Variants in EHBP1L1 observed in about 807,000 individuals in gnomAD.
EHBP1L1 encodes EH domain binding protein 1 like 1.
Under a neutral mutation model 151.1 loss-of-function variants are expected in EHBP1L1, and 122 were observed. The observed-to-expected ratio is 0.81, with a 90% CI of 0.70 to 0.94. EHBP1L1 has a LOEUF of 0.94. Among genes scored for constraint, EHBP1L1 ranks in the 40% least tolerant of loss-of-function variants. The probability of loss-of-function intolerance (pLI) is 0.00; values close to 1 mark genes in which losing one functional copy is unlikely to be tolerated. For synonymous variants in EHBP1L1, 878 were observed against 810.1 expected (o/e 1.08, Z -1.42); for missense variants, 1,941 against 1,959.8 (o/e 0.99, Z 0.18).
Position 65,581,234 on chromosome 11 carries a change from G to T in EHBP1L1, c.727G>T (p.Asp243Tyr), listed in dbSNP as rs376705641. The change falls in exon 8 of 19, where the codon GAT becomes TAT. Residue 243 changes from aspartate to tyrosine, a missense_variant. By Grantham distance (160) the Asp-to-Tyr change is radical. Transcript: ENST00000309295. Reference sequence around the variant, plus strand: ...AGTTGCCAGCCCTTCTAATGCTGAGGATACCAGCCCAGCCCCTGTGAGTGC... The same window carrying T: ...AGTTGCCAGCCCTTCTAATGCTGAGTATACCAGCCCAGCCCCTGTGAGTGC... Reference protein sequence around the residue: ...QAVASPSNAEDTSPAPVSAPA... With the variant: ...QAVASPSNAEYTSPAPVSAPA... The T allele has an allele frequency of 1.2e-6, 2 of 1,610,606 alleles. No individual in the cohort carries two copies. Among genetic ancestry groups the T allele is most frequent in the African/African-American group, 2.7e-5 (2 of 74,780 alleles).
In EHBP1L1 at chr11:65,582,748, T is replaced by A. The variant is rs746464398; in HGVS notation, c.2076T>A (p.Asp692Glu). The A allele has an allele frequency of 1.9e-6, 3 of 1,613,384 alleles. No individual in the cohort carries two copies. Among genetic ancestry groups the A allele is most frequent in the Non-Finnish European group, 2.5e-6 (3 of 1,179,782 alleles). ...ATTTAGGGCCACTGAAGATAGAAGA[T>A]ACAATACAGTCTGAGATGCTGGGGA... is the stretch of plus-strand genomic sequence containing the variant. ...SGDLGPLKIE[D>E]TIQSEMLGTQ... Residue 692 changes from aspartate to glutamate, a missense_variant, in exon 9 of 19, where the codon GAT becomes GAA. Transcript: ENST00000309295.
At position 65,576,287 on chromosome 11, in the gene EHBP1L1, C is replaced by A. The variant is rs766798007; in HGVS notation, c.-16C>A. ...AGCCCCGGGCCTGAGAAGTGGGCGG[C>A]GGGGTGGCGGGGGCCATGACCTCGG... is the stretch of plus-strand genomic sequence containing the variant. On this transcript the variant is annotated 5_prime_UTR_variant, in exon 1 of 19. Transcript: ENST00000309295. 1 of 1,568,762 alleles carries A rather than the reference C, an allele frequency of 6.4e-7. No homozygotes were observed. The highest frequency in any genetic ancestry group is 1.9e-5 in the Admixed American group (1 of 53,848).
In EHBP1L1 at chr11:65,582,382, G is replaced by A; in HGVS notation, c.1710G>A (p.Leu570=). ...CAGAAGCTGGGGGTTCAGGGGACCTGGAAACAGAGACTGAGGTGGTAGGGT... is the reference window on the plus strand; with the variant it reads ...CAGAAGCTGGGGGTTCAGGGGACCTAGAAACAGAGACTGAGGTGGTAGGGT... ...WEAEAGGSGD[L]ETETEVVGLE... Residue 570 remains leucine, a synonymous_variant, in exon 9 of 19, where the codon CTG becomes CTA. Transcript: ENST00000309295. 6.3e-7 allele frequency: 1 copy of A among 1,599,454 alleles called. No homozygotes were observed. The highest frequency in any genetic ancestry group is 8.5e-7 in the Non-Finnish European group (1 of 1,173,520).
At chr11:65,579,190 C>T in intron 2 of EHBP1L1, 55 bp downstream of exon 2, 1 of 1,527,474 alleles carries the variant, frequency 6.5e-7, no homozygotes, top group Non-Finnish European at 8.9e-7. Flanking sequence ...CGGTGGGAGG[C>T]TGATGGGGGC....
intron 12 of EHBP1L1, among the ~76,000 whole-genome samples, chr11:65,587,124 C>G (rs1210339654): frequency 6.6e-6 from 1 of 152,220 alleles, no homozygotes; most frequent in African/African-American, 2.4e-5. Flanking sequence ...CTTGTAATCC[C>G]AGCACTTTGG....
chr11:65,590,252 C>T (rs1206192357), intron 15 of EHBP1L1, 42 bp downstream of exon 15: 6 of 1,607,130 alleles, frequency 3.7e-6, no homozygotes, highest in Non-Finnish European at 4.2e-6. Flanking sequence ...ACACATGCCA[C>T]TAGGTCTGTC....
At chr11:65,588,188 G>T (rs1376531801) in intron 12 of EHBP1L1, among the ~76,000 whole-genome samples, 1 of 152,046 alleles carries the variant, frequency 6.6e-6, no homozygotes, top group African/African-American at 2.4e-5. Flanking sequence ...CCGGCAGGGG[G>T]GTCTCTGGAG....
In EHBP1L1 at chr11:65,585,655, GAACGGGC is replaced by G. The variant is rs1857933083; in HGVS notation, c.3933+65_3933+71del. On this transcript the variant is annotated intron_variant, in intron 12 of 18. Coordinates refer to ENST00000309295, the MANE Select transcript of EHBP1L1 (RefSeq NM_001099409.3). The surrounding 1 kb of genome is among the most constrained non-coding windows in gnomAD (Gnocchi z 4.0). Reference sequence around the variant, plus strand: ...GCGGGGTCCCGGGAAGATGGGCAGAGAACGGGCGAGCCCCCAAGGGGCCCCAAGGACA... The same window carrying G: ...GCGGGGTCCCGGGAAGATGGGCAGAGGAGCCCCCAAGGGGCCCCAAGGACA... The G allele has an allele frequency of 3.3e-6, 5 of 1,520,220 alleles. No individual in the cohort carries two copies. The highest frequency in any genetic ancestry group is 4.4e-6 in the Non-Finnish European group (5 of 1,137,566). 94.2% of individuals were successfully genotyped at this position (1,520,220 alleles called of 1,614,324 possible).
intron 12 of EHBP1L1, among the ~76,000 whole-genome samples, chr11:65,587,305 G>A (rs1464978266): frequency 2.0e-5 from 3 of 152,028 alleles, no homozygotes; most frequent in Non-Finnish European, 4.4e-5. Flanking sequence ...CCCCGGAGGC[G>A]GAGGTCTCAG....
chr11:65,587,229 C>T (rs977893003), intron 12 of EHBP1L1, among the ~76,000 whole-genome samples: 5 of 152,088 alleles, frequency 3.3e-5, no homozygotes, highest in Admixed American at 2.0e-4. Flanking sequence ...AAAAATTAGC[C>T]GGGCATGGTG....
At position 65,592,072 on chromosome 11, in the gene EHBP1L1, T is replaced by C. The variant is rs950555400; in HGVS notation, c.4454T>C (p.Leu1485Pro). 1 of 1,613,328 alleles carries C rather than the reference T, an allele frequency of 6.2e-7. No individual in the cohort carries two copies. Among genetic ancestry groups the C allele is most frequent in the Non-Finnish European group, 8.5e-7 (1 of 1,179,616 alleles). ...CAGCGCGATGAGCTAGTCCGGGACC[T>C]GGACCACAAGGAGCGGATGTGAGTG... Reference protein sequence around the residue: ...VNQRDELVRDLDHKERIALEE... With the variant: ...VNQRDELVRDPDHKERIALEE... Residue 1485 changes from leucine to proline, a missense_variant, in exon 18 of 19, where the codon CTG becomes CCG. Coordinates refer to ENST00000309295, the MANE Select transcript of EHBP1L1 (RefSeq NM_001099409.3).
chr11:65,580,234 G>T lies in EHBP1L1; in HGVS notation c.466G>T (p.Val156Leu), dbSNP rs1199511801. ...TGAGCTGAGCCTCACTCTTTCCGGG[G>T]TGCTGCTGCGGGAGGGCCGTGCCAC... ...QAELSLTLSG[V>L]LLREGRATDD... Residue 156 changes from valine (V) to leucine (L), a missense_variant, in exon 5 of 19, where the codon GTG (valine) becomes TTG (leucine). Coordinates refer to ENST00000309295, the MANE Select transcript of EHBP1L1 (RefSeq NM_001099409.3). 6 of 1,613,578 alleles carry T rather than the reference G, an allele frequency of 3.7e-6. No homozygotes were observed. Among genetic ancestry groups the T allele is most frequent in the East Asian group, 2.2e-5 (1 of 44,884 alleles).
rs1027058933 is a variant in EHBP1L1 at position 65,581,120 on chromosome 11, C to A, written c.697C>A (p.Gln233Lys). The change falls in exon 7 of 19, where the codon CAG becomes AAG. Residue 233 changes from glutamine (Q) to lysine (K), a missense_variant. Physicochemically the swap from Gln to Lys is moderately conservative, Grantham distance 53. Coordinates refer to ENST00000309295, the MANE Select transcript of EHBP1L1 (RefSeq NM_001099409.3). Reference sequence around the variant, plus strand: ...GGAGGAAGGCCAAGGACGACCCCAGCAGGCAGGTGAGACCCAGGCTGGGGT... The same window carrying A: ...GGAGGAAGGCCAAGGACGACCCCAGAAGGCAGGTGAGACCCAGGCTGGGGT... Reference protein sequence around the residue: ...EEEEGQGRPQQAVASPSNAED... With the variant: ...EEEEGQGRPQKAVASPSNAED... 1 of 1,613,024 alleles carries A rather than the reference C, an allele frequency of 6.2e-7. No homozygotes were observed. The highest frequency in any genetic ancestry group is 1.7e-4 in the Middle Eastern group (1 of 6,058).
In EHBP1L1 at chr11:65,585,526, C is replaced by T. The variant is rs1210989987; in HGVS notation, c.3868C>T (p.Leu1290=). The T allele has an allele frequency of 1.9e-6, 3 of 1,573,576 alleles. No homozygotes were observed. The South Asian group carries it at 3.4e-5, about 18-fold the overall frequency. Residue 1290 remains leucine, a synonymous_variant, in exon 12 of 19, where the codon CTG becomes TTG. Coordinates refer to ENST00000309295, the MANE Select transcript of EHBP1L1 (RefSeq NM_001099409.3). The surrounding 1 kb of genome is among the most constrained non-coding windows in gnomAD (Gnocchi z 4.0). The stretch of plus-strand genomic sequence containing the variant: ...CCTGCTCAAGAAGAGGCGCTCGCGG[C>T]TGCGGAACAGCAGCTCGTTCTCGAT... ...ADLLKKRRSR[L]RNSSSFSMDD...
chr11:65,582,289 C>A lies in EHBP1L1; in HGVS notation c.1617C>A (p.Ser539Arg). Residue 539 changes from serine to arginine, a missense_variant, in exon 9 of 19, where the codon AGC (serine) becomes AGA (arginine). By Grantham distance (110) the Ser-to-Arg change is moderately radical. Coordinates refer to ENST00000309295, the MANE Select transcript of EHBP1L1 (RefSeq NM_001099409.3). The stretch of plus-strand genomic sequence containing the variant: ...CAATAAGCACCAGGCCCCAGGTGAG[C>A]AGCTGGCAGGGGGCCCTGTTATCAA... ...VGAISTRPQV[S>R]SWQGALLSTA... 6.5e-7 allele frequency: 1 copy of A among 1,529,678 alleles called. No individual in the cohort carries two copies. The highest frequency in any genetic ancestry group is 1.3e-5 in the South Asian group (1 of 76,544). The allele number at this position is 1,529,678 out of a possible 1,614,324, so 94.8% of individuals were successfully genotyped here.
At position 65,585,695 on chromosome 11, in the gene EHBP1L1, C is replaced by A; in HGVS notation, c.3933+104C>A. On this transcript the variant is annotated intron_variant, in intron 12 of 18. Coordinates refer to ENST00000309295, the MANE Select transcript of EHBP1L1 (RefSeq NM_001099409.3). The surrounding 1 kb of genome is among the most constrained non-coding windows in gnomAD (Gnocchi z 4.0). ...CAAGGGGCCCCAAGGACAGAGCTGGCGCGAGGGTGACGGTTTCAGAGTGGC... is the reference window on the plus strand; with the variant it reads ...CAAGGGGCCCCAAGGACAGAGCTGGAGCGAGGGTGACGGTTTCAGAGTGGC... 1 of 1,479,664 alleles carries A rather than the reference C, an allele frequency of 6.8e-7. No individual in the cohort carries two copies. Among genetic ancestry groups the A allele is most frequent in the African/African-American group, 1.4e-5 (1 of 70,308 alleles). The allele number at this position is 1,479,664 out of a possible 1,614,324, so 91.7% of individuals were successfully genotyped here.
chr11:65,585,611 T>C lies in EHBP1L1; in HGVS notation c.3933+20T>C. 3.2e-6 allele frequency: 5 copies of C among 1,555,170 alleles called. No homozygotes were observed. Among genetic ancestry groups the C allele is most frequent in the Non-Finnish European group, 4.3e-6 (5 of 1,157,810 alleles). On this transcript the variant is annotated intron_variant, in intron 12 of 18. Coordinates refer to ENST00000309295, the MANE Select transcript of EHBP1L1 (RefSeq NM_001099409.3). The surrounding 1 kb of genome is among the most constrained non-coding windows in gnomAD (Gnocchi z 4.0). ...GCTGCAGTGAGTGTCAAGGTCCTTC[T>C]TTCTTCCCCCGCCGCAGCGCGGGGT...
In EHBP1L1 at chr11:65,583,004, G is replaced by A. The variant is rs1352839140; in HGVS notation, c.2332G>A (p.Glu778Lys). The change falls in exon 9 of 19, where the codon GAG becomes AAG. Residue 778 changes from glutamate to lysine, a missense_variant. Coordinates refer to ENST00000309295, the MANE Select transcript of EHBP1L1 (RefSeq NM_001099409.3). ...AAEGAILGTQEIASRDSGVPG... is the reference protein window; with the variant it reads ...AAEGAILGTQKIASRDSGVPG... ...AGAAGGTGCGATATTGGGGACCCAAGAGATAGCATCTAGGGATTCAGGGGT... is the reference window on the plus strand; with the variant it reads ...AGAAGGTGCGATATTGGGGACCCAAAAGATAGCATCTAGGGATTCAGGGGT... The A allele has an allele frequency of 4.3e-6, 7 of 1,613,062 alleles. No homozygotes were observed. Among genetic ancestry groups the A allele is most frequent in the Non-Finnish European group, 5.9e-6 (7 of 1,179,610 alleles).
In EHBP1L1 at chr11:65,591,446, G is replaced by A. The variant is rs1379577685; in HGVS notation, c.4284-354G>A. The A allele has an allele frequency of 1.1e-4, 43 of 405,922 alleles. 1 individual carries two copies. The highest frequency in any genetic ancestry group is 8.6e-4 in the South Asian group (37 of 43,106). 25.1% of individuals were successfully genotyped at this position (405,922 alleles called of 1,614,324 possible). A position where few individuals can be genotyped will look rare whatever the true frequency, so the allele number is the denominator to read the frequency against. ...AAGCCACTCTGCGGCCATTGCCTTT[G>A]TCATCCTGCAGGGTGGAGACAGCTT... On this transcript the variant is annotated intron_variant, in intron 16 of 18. Coordinates refer to ENST00000309295, the MANE Select transcript of EHBP1L1 (RefSeq NM_001099409.3).
Sources: allele counts gnomAD v4.1 joint callset (sites outside exome capture counted in the v4.1 genomes callset), GRCh38; gene constraint gnomAD v4.1.1; non-coding constraint Gnocchi (gnomAD v3.1); transcripts MANE v1.5; gene names NCBI Gene and HGNC (gene_info 2026-07-23, HGNC 2026-07-21).